Variants in GYG1 observed in about 807,000 individuals in gnomAD.
GYG1 encodes the protein glycogenin-1.
A neutral mutation model predicts 41.9 loss-of-function variants in GYG1; 44 were observed. The observed-to-expected ratio is 1.05, with a 90% CI of 0.83 to 1.35. The LOEUF (loss-of-function observed/expected upper bound fraction) is 1.35. Ranked by LOEUF, GYG1 falls within the 40% of genes most tolerant of loss-of-function variation. GYG1 has a pLI of 0.00. For synonymous variants in GYG1, 141 were observed against 158.1 expected (o/e 0.89, Z 0.81); for missense variants, 429 against 418.9 (o/e 1.02, Z -0.21).
At chr3:149,001,058 A>T (rs1713066121) in intron 4 of GYG1, 1 of 152,178 alleles carries the variant, frequency 6.6e-6, no homozygotes, top group Non-Finnish European at 1.5e-5. Context: ...TTTGTAGTTA[A>T]TTAGGCTTCA....
intron 4 of GYG1, among the ~76,000 whole-genome samples, chr3:149,007,668 C>A (rs1439458081): frequency 6.6e-6 from 1 of 152,184 alleles, no homozygotes; most frequent in Non-Finnish European, 1.5e-5. Context: ...GTAACGACAG[C>A]CGACTGGACT....
intron 5 of GYG1, among the ~76,000 whole-genome samples, chr3:149,011,113 C>T (rs185347880): frequency 1.3e-5 from 2 of 152,154 alleles, no homozygotes; most frequent in African/African-American, 4.8e-5. Flanking sequence ...ACAATGGGAA[C>T]AAGCAGACTC....
In GYG1 at chr3:149,026,876, T is replaced by C. The variant is rs367851689; in HGVS notation, c.996T>C (p.Tyr332=). The change falls in exon 8 of 8, where the codon TAT becomes TAC. Residue 332 remains tyrosine (Y), a synonymous_variant. Transcript: ENST00000345003. ...KERWEQGQAD[Y]MGADSFDNIK... ...GATGGGAACAGGGCCAGGCTGATTA[T>C]ATGGGAGCAGATTCCTTTGACAACA... 1 of 1,613,776 alleles carries C rather than the reference T, an allele frequency of 6.2e-7. No homozygotes were observed. Among genetic ancestry groups the C allele is most frequent in the African/African-American group, 1.3e-5 (1 of 74,930 alleles).
intron 1 of GYG1, chr3:148,992,799 T>A (rs1712563109): frequency 6.6e-6 from 1 of 152,382 alleles, no homozygotes; most frequent in South Asian, 2.1e-4. Flanking sequence ...CTGGTGGCCC[T>A]TCGGGGGTGG....
At chr3:148,996,708 C>G in intron 3 of GYG1, 34 bp from the exon 4 acceptor site, 1 of 1,598,842 alleles carries the variant, frequency 6.3e-7, no homozygotes, top group Non-Finnish European at 8.6e-7. Context: ...GCAGCAAAAA[C>G]ATTTCTGTAA....
chr3:149,004,881 G>C (rs1333799951), intron 4 of GYG1, among the ~76,000 whole-genome samples: 1 of 152,212 alleles, frequency 6.6e-6, no homozygotes, highest in African/African-American at 2.4e-5. Context: ...TGTTTGTAGG[G>C]TACCTGAGGG....
intron 4 of GYG1, among the ~76,000 whole-genome samples, chr3:148,998,550 C>T (rs2107889827): frequency 6.6e-6 from 1 of 152,266 alleles, no homozygotes; most frequent in South Asian, 2.1e-4. Flanking sequence ...AGTATCTGAA[C>T]CATAATGTAT....
At chr3:149,011,409 T>G (rs905224770) in intron 5 of GYG1, among the ~76,000 whole-genome samples, 3 of 152,208 alleles carry the variant, frequency 2.0e-5, no homozygotes, top group Non-Finnish European at 4.4e-5. Context: ...AAGCAAAAAG[T>G]TGACAGTGCA....
chr3:149,026,502 G>A lies in GYG1; in HGVS notation c.879G>A (p.Lys293=). Residue 293 remains lysine, a splice_region_variant and synonymous_variant, in exon 7 of 8, where the codon AAG becomes AAA. Transcript: ENST00000345003. ...CTTTCTCTTGTGGCTTCTGTAGAAA[G>A]GTATGCAGAACTTAAAGATTAACCC... ...TLAFSCGFCR[K]EDVSGAISHL... The A allele has an allele frequency of 6.3e-7, 1 of 1,589,008 alleles. No homozygotes were observed. Among genetic ancestry groups the A allele is most frequent in the Non-Finnish European group, 8.6e-7 (1 of 1,157,240 alleles).
At chr3:149,006,475 T>C (rs1422198130) in intron 4 of GYG1, among the ~76,000 whole-genome samples, 5 of 152,218 alleles carry the variant, frequency 3.3e-5, no homozygotes, top group Non-Finnish European at 7.3e-5. Flanking sequence ...CTTTTATTAT[T>C]TGATGTTATA....
chr3:149,014,909 A>C (rs1713933251), intron 5 of GYG1, among the ~76,000 whole-genome samples: 1 of 151,766 alleles, frequency 6.6e-6, no homozygotes, highest in Admixed American at 6.6e-5. Context: ...AGAAGTCTCA[A>C]ATCTGTGGGC....
intron 5 of GYG1, among the ~76,000 whole-genome samples, chr3:149,021,237 T>G (rs1047635405): frequency 6.6e-6 from 1 of 152,250 alleles, no homozygotes; most frequent in Non-Finnish European, 1.5e-5. Flanking sequence ...AAAAGCCTTT[T>G]GGGGCCACAC....
intron 5 of GYG1, among the ~76,000 whole-genome samples, chr3:149,022,789 C>T (rs936871301): frequency 1.3e-5 from 2 of 151,944 alleles, no homozygotes; most frequent in African/African-American, 2.4e-5. Flanking sequence ...CCACCGTACC[C>T]GGCCTGTTTT....
chr3:149,007,181 G>A (rs1003385259), intron 4 of GYG1, among the ~76,000 whole-genome samples: 8 of 152,160 alleles, frequency 5.3e-5, no homozygotes, highest in African/African-American at 1.9e-4. Flanking sequence ...CCTCACTTGG[G>A]CCTCTTTTAT....
intron 1 of GYG1, among the ~76,000 whole-genome samples, chr3:148,992,125 C>A (rs946151214): frequency 7.9e-4 from 121 of 152,286 alleles, no homozygotes; most frequent in African/African-American, 2.8e-3. Flanking sequence ...CCGCCGCCCG[C>A]CCCGGCCCCG....
intron 5 of GYG1, among the ~76,000 whole-genome samples, chr3:149,014,003 C>T (rs541335354): frequency 6.6e-6 from 1 of 152,316 alleles, no homozygotes; most frequent in East Asian, 1.9e-4. Context: ...ACACTTTCTG[C>T]TCACTCAAGG....
chr3:149,026,555 ACT>A, intron 7 of GYG1, 53 bp downstream of exon 7: 1 of 1,181,714 alleles, frequency 8.5e-7, no homozygotes, highest in Non-Finnish European at 1.3e-6. Context: ...CAATGTTTTC[ACT>A]GAGTCAAGAA....
intron 5 of GYG1, among the ~76,000 whole-genome samples, chr3:149,013,203 G>T (rs533147562): frequency 1.3e-5 from 2 of 152,154 alleles, no homozygotes; most frequent in South Asian, 4.1e-4. Context: ...CATAATGTTT[G>T]GGATATATAG....
intron 4 of GYG1, among the ~76,000 whole-genome samples, chr3:149,006,584 T>G (rs1713416627): frequency 6.6e-6 from 1 of 152,216 alleles, no homozygotes; most frequent in Non-Finnish European, 1.5e-5. Context: ...TCTAGTTTGT[T>G]CCGTCTTATA....
Sources: allele counts gnomAD v4.1 joint callset (sites outside exome capture counted in the v4.1 genomes callset), GRCh38; gene constraint gnomAD v4.1.1; transcripts MANE v1.5; gene names NCBI Gene and HGNC (gene_info 2026-07-23, HGNC 2026-07-21).